Variants in LRRC4C observed in about 807,000 individuals in gnomAD.
LRRC4C encodes leucine-rich repeat-containing protein 4C.
In LRRC4C, 5 loss-of-function variants were observed where a neutral mutation model predicts 33.6. That is an observed-to-expected ratio of 0.15 (90% CI 0.08 to 0.31). LRRC4C has a LOEUF of 0.31. LRRC4C is among the 10% of genes least tolerant of loss of function. The pLI, the probability that LRRC4C is intolerant of heterozygous loss-of-function variation, is 1.00. For synonymous variants in LRRC4C, 329 were observed against 302.0 expected (o/e 1.09, Z -0.93); for missense variants, 560 against 796.7 (o/e 0.70, Z 3.58).
At chr11:41,181,008 G>A (rs1489005418) in intron 1 of LRRC4C, among the ~76,000 whole-genome samples, 1 of 151,554 alleles carries the variant, frequency 6.6e-6, no homozygotes, top group Non-Finnish European at 1.5e-5. Context: ...TCTCATCTTT[G>A]GGAGAAGAAA....
intron 1 of LRRC4C, among the ~76,000 whole-genome samples, chr11:41,182,923 AAGG>A (rs1234672865): frequency 6.6e-6 from 1 of 151,966 alleles, no homozygotes; most frequent in Non-Finnish European, 1.5e-5. Flanking sequence ...GGGGGAAGGC[AAGG>A]AGGAGCAAAT....
At chr11:41,447,876 T>C (rs1955874271) in intron 1 of LRRC4C, among the ~76,000 whole-genome samples, 1 of 152,184 alleles carries the variant, frequency 6.6e-6, no homozygotes, top group Non-Finnish European at 1.5e-5. Flanking sequence ...TTGATAATAA[T>C]CTTAGCAGCC....
rs146613946 is a variant in LRRC4C at position 40,444,509 on chromosome 11, G to A, written c.-269-124788C>T. On this transcript the variant is annotated intron_variant, in intron 3 of 6. Transcript: ENST00000528697. ...AATGTGTGCTGAGTTTAACTGAATT[G>A]AAGTGGTTTTACTTATATTTATTAT... Among the ~76,000 whole-genome samples the A allele has an allele frequency of 4.6e-5, 7 of 151,810 alleles. No individual in the cohort carries two copies. The East Asian group carries it at 1.4e-3, about 29-fold the overall frequency.
At chr11:41,061,707 T>C (rs1170639725) in intron 1 of LRRC4C, among the ~76,000 whole-genome samples, 1 of 152,350 alleles carries the variant, frequency 6.6e-6, no homozygotes, top group Admixed American at 6.5e-5. Context: ...GCACTGACTT[T>C]GGAAGGTATA....
chr11:40,560,057 T>C (rs1168141348), intron 3 of LRRC4C, among the ~76,000 whole-genome samples: 2 of 152,310 alleles, frequency 1.3e-5, no homozygotes, highest in South Asian at 2.1e-4. Flanking sequence ...GCCCATTTTA[T>C]TTTAAGATCT....
intron 1 of LRRC4C, among the ~76,000 whole-genome samples, chr11:41,171,685 A>G (rs1252141606): frequency 1.3e-5 from 2 of 152,092 alleles, no homozygotes; most frequent in Non-Finnish European, 2.9e-5. Flanking sequence ...TTAAAAAAAG[A>G]TAAACTAGAT....
At chr11:40,527,354 A>C (rs1438394239) in intron 3 of LRRC4C, among the ~76,000 whole-genome samples, 1 of 152,212 alleles carries the variant, frequency 6.6e-6, no homozygotes, top group Non-Finnish European at 1.5e-5. Context: ...AATGGTGATA[A>C]AAATGATGAT....
At position 40,540,178 on chromosome 11, in the gene LRRC4C, A is replaced by G. The variant is rs11035905; in HGVS notation, c.-270+107964T>C. ...TTCAGTGCTTTGAACACCACAATAA[A>G]TAGAAAGGACAAGAATTGAAAGTCT... On this transcript the variant is annotated intron_variant, in intron 3 of 6. Coordinates refer to ENST00000528697, the MANE Select transcript of LRRC4C (RefSeq NM_001258419.2). 5.9e-3 allele frequency among the ~76,000 whole-genome samples: 906 copies of G among 152,340 alleles called. 12 individuals carry two copies. Among genetic ancestry groups the G allele is most frequent in the African/African-American group, 0.021 (866 of 41,582 alleles).
chr11:40,123,788 C>A (rs1856004048), intron 6 of LRRC4C, among the ~76,000 whole-genome samples: 1 of 152,022 alleles, frequency 6.6e-6, no homozygotes. Flanking sequence ...CAAAGCTATC[C>A]TGAACAAAAA....
rs577444509 is a variant in LRRC4C, at chr11:41,116,762, T to TTA, written c.-495-183041_-495-183040dup. 2.9e-3 allele frequency among the ~76,000 whole-genome samples: 442 copies of TTA among 152,236 alleles called. 2 individuals are homozygous for TTA. The highest frequency in any genetic ancestry group is 4.7e-3 in the Non-Finnish European group (321 of 68,014). On this transcript the variant is annotated intron_variant, in intron 1 of 6. Transcript: ENST00000528697. ...ATTTACTAACTCTACCCCCAGGAAT[T>TTA]TATCCTGATAATTTTGATTAAGTTA...
At chr11:40,277,376 T>C (rs1331570560) in intron 4 of LRRC4C, among the ~76,000 whole-genome samples, 1 of 151,948 alleles carries the variant, frequency 6.6e-6, no homozygotes, top group African/African-American at 2.4e-5. Context: ...ATATCCAGAG[T>C]TGTGGCTGGG....
At chr11:40,676,522 A>C (rs1194426018) in intron 2 of LRRC4C, among the ~76,000 whole-genome samples, 1 of 152,142 alleles carries the variant, frequency 6.6e-6, no homozygotes, top group Non-Finnish European at 1.5e-5. Flanking sequence ...CATTTCCTTC[A>C]AGCTTCATCA....
At chr11:40,910,738 C>A (rs1482705338) in intron 2 of LRRC4C, among the ~76,000 whole-genome samples, 1 of 152,164 alleles carries the variant, frequency 6.6e-6, no homozygotes. Flanking sequence ...TGAGCCGGAG[C>A]AAGGCGAGGC....
intron 3 of LRRC4C, among the ~76,000 whole-genome samples, chr11:40,355,473 G>T (rs539336553): frequency 6.6e-6 from 1 of 152,146 alleles, no homozygotes; most frequent in African/African-American, 2.4e-5. Flanking sequence ...CTATGGTGGT[G>T]GGGCTAACTG....
chr11:40,533,849 A>G (rs1956367255), intron 3 of LRRC4C, among the ~76,000 whole-genome samples: 1 of 152,130 alleles, frequency 6.6e-6, no homozygotes, highest in Non-Finnish European at 1.5e-5. Flanking sequence ...CCATGTGTCC[A>G]AGGACTCAAG....
chr11:40,704,373 A>G (rs991804481), intron 2 of LRRC4C, among the ~76,000 whole-genome samples: 10 of 152,288 alleles, frequency 6.6e-5, no homozygotes, highest in Non-Finnish European at 1.0e-4. Context: ...AAATTTACAA[A>G]GAAATGGAGA....
chr11:40,665,340 ATATATATATATATATATATATATG>A (rs1277635274), intron 2 of LRRC4C, among the ~76,000 whole-genome samples: 472 of 15,188 alleles, frequency 0.031, 6 homozygotes, highest in African/African-American at 0.058. Flanking sequence ...ATATATATAT[ATATATATATATATATATATATATG>A]TATATATATA....
chr11:40,997,821 T>C (rs935371687), intron 1 of LRRC4C, among the ~76,000 whole-genome samples: 16 of 152,124 alleles, frequency 1.1e-4, no homozygotes, highest in African/African-American at 3.4e-4. Context: ...TGTTGTGAGA[T>C]GTATATTAAT....
At chr11:40,259,941 T>A (rs1177754318) in intron 4 of LRRC4C, among the ~76,000 whole-genome samples, 1 of 150,118 alleles carries the variant, frequency 6.7e-6, no homozygotes, top group African/African-American at 2.5e-5. Context: ...TAGGAACACT[T>A]TTACACTGTT....
Sources: allele counts gnomAD v4.1 joint callset (sites outside exome capture counted in the v4.1 genomes callset), GRCh38; gene constraint gnomAD v4.1.1; transcripts MANE v1.5; gene names NCBI Gene and HGNC (gene_info 2026-07-23, HGNC 2026-07-21).